The following SIAH2 variants were observed in gnomAD, a reference collection of about 807,000 sequenced individuals.
The protein encoded by SIAH2 is E3 ubiquitin-protein ligase SIAH2.
In SIAH2, 4 loss-of-function variants were observed where a neutral mutation model predicts 20.4. The observed-to-expected ratio is 0.20, with a 90% CI of 0.10 to 0.45. SIAH2 has a LOEUF of 0.45. Ranked by LOEUF, SIAH2 falls within the 20% of genes least tolerant of loss-of-function variation. The probability of loss-of-function intolerance (pLI) is 0.99; values close to 1 mark genes in which losing one functional copy is unlikely to be tolerated. For missense variants in SIAH2, 259 were observed against 440.3 expected (o/e 0.59, Z 3.69); for synonymous variants, 171 against 192.5 (o/e 0.89, Z 0.93).
chr3:150,753,506 A>G (rs910186905), intron 1 of SIAH2, among the ~76,000 whole-genome samples: 5 of 152,182 alleles, frequency 3.3e-5, no homozygotes, highest in African/African-American at 1.2e-4. Flanking sequence ...AAAAAGCTTC[A>G]ATTTCTCAGG....
At chr3:150,747,433 G>T (rs1191732205) in intron 1 of SIAH2, among the ~76,000 whole-genome samples, 1 of 152,254 alleles carries the variant, frequency 6.6e-6, no homozygotes, top group Admixed American at 6.5e-5. Flanking sequence ...CTTTCCTTTA[G>T]ATGTCTGGTT....
intron 1 of SIAH2, among the ~76,000 whole-genome samples, chr3:150,760,683 A>G (rs773820500): frequency 3.3e-5 from 5 of 152,258 alleles, no homozygotes; most frequent in Non-Finnish European, 7.3e-5. Flanking sequence ...AAACTCACCT[A>G]AAAGCCATTT....
At chr3:150,748,157 G>A (rs1014990741) in intron 1 of SIAH2, among the ~76,000 whole-genome samples, 4 of 152,074 alleles carry the variant, frequency 2.6e-5, no homozygotes, top group Non-Finnish European at 4.4e-5. Context: ...TTAGATCTTT[G>A]CAGAAAGCAG....
At chr3:150,758,901 C>T (rs1268679323) in intron 1 of SIAH2, among the ~76,000 whole-genome samples, 1 of 152,076 alleles carries the variant, frequency 6.6e-6, no homozygotes, top group Admixed American at 6.5e-5. Flanking sequence ...TGCCACCATG[C>T]CCAGCTAACT....
Position 150,758,811 on chromosome 3 carries a change from T to G in SIAH2, c.417+3622A>C, listed in dbSNP as rs1406876711. ...AGGCTGGAATGCAATGACGTGATCT[T>G]GGCTCACTGCAACCTCTGCCTCCCG... On this transcript the variant is annotated intron_variant, in intron 1 of 1. Transcript: ENST00000312960. 4.0e-5 allele frequency among the ~76,000 whole-genome samples: 6 copies of G among 151,132 alleles called. No individual in the cohort carries two copies. The East Asian group carries it at 1.2e-3, about 30-fold the overall frequency.
intron 1 of SIAH2, among the ~76,000 whole-genome samples, chr3:150,751,987 C>A (rs1175711078): frequency 6.6e-6 from 1 of 152,190 alleles, no homozygotes; most frequent in African/African-American, 2.4e-5. Flanking sequence ...CAAAGGTTGA[C>A]TTTTGACCAT....
chr3:150,758,916 T>G (rs1309593507), intron 1 of SIAH2, among the ~76,000 whole-genome samples: 1 of 152,084 alleles, frequency 6.6e-6, no homozygotes, highest in East Asian at 1.9e-4. Flanking sequence ...CTAACTTTTT[T>G]GTATTTTTAG....
chr3:150,757,548 A>G (rs1714509641), intron 1 of SIAH2, among the ~76,000 whole-genome samples: 1 of 152,234 alleles, frequency 6.6e-6, no homozygotes, highest in South Asian at 2.1e-4. Context: ...GAATGCTTCT[A>G]CAAGAGAATC....
rs1714099530 is a variant in SIAH2 at position 150,742,120 on chromosome 3, T to G, written c.*21A>C. 1.3e-6 allele frequency: 2 copies of G among 1,587,380 alleles called. No individual in the cohort carries two copies. Among genetic ancestry groups the G allele is most frequent in the African/African-American group, 2.7e-5 (2 of 74,094 alleles). On this transcript the variant is annotated 3_prime_UTR_variant, in exon 2 of 2. Transcript: ENST00000312960. This position sits in a 1 kb window ranked among gnomAD's most constrained non-coding sequence, Gnocchi z 4.8. ...ATAGAGCACTATGCCCAAATAATTT[T>G]GAAGGTTTACGAAAGTCACATCATG...
At chr3:150,761,177 A>T (rs1714601907) in intron 1 of SIAH2, among the ~76,000 whole-genome samples, 1 of 152,262 alleles carries the variant, frequency 6.6e-6, no homozygotes, top group African/African-American at 2.4e-5. Context: ...AATGCAAGAC[A>T]GCTTAAATGG....
chr3:150,759,497 G>A (rs543957154), intron 1 of SIAH2, among the ~76,000 whole-genome samples: 3 of 152,122 alleles, frequency 2.0e-5, no homozygotes, highest in Non-Finnish European at 2.9e-5. Context: ...AGACGGTTTT[G>A]TTACTGGTGT....
Position 150,742,281 on chromosome 3 carries a change from T to C in SIAH2, c.835A>G (p.Thr279Ala). 1 of 1,614,138 alleles carries C rather than the reference T, an allele frequency of 6.2e-7. No homozygotes were observed. Among genetic ancestry groups the C allele is most frequent in the Non-Finnish European group, 8.5e-7 (1 of 1,180,024 alleles). The stretch of plus-strand genomic sequence containing the variant: ...ACACCGTCATGAATCGAACGGGGCG[T>C]GGCCTCCCAGGTCAATCTCCGCCGG... ...GNRRRLTWEA[T>A]PRSIHDGVAA... The change falls in exon 2 of 2, where the codon ACG (threonine) becomes GCG (alanine). Residue 279 changes from threonine to alanine, a missense_variant. Around this residue, in one of 2 missense-constraint regions of SIAH2, gnomAD observed 160 missense variants for 327.6 expected, o/e 0.49. Coordinates refer to ENST00000312960, the MANE Select transcript of SIAH2 (RefSeq NM_005067.7). The surrounding 1 kb of genome is among the most constrained non-coding windows in gnomAD (Gnocchi z 4.8).
At chr3:150,745,458 C>T (rs549513170) in intron 1 of SIAH2, among the ~76,000 whole-genome samples, 6 of 152,024 alleles carry the variant, frequency 3.9e-5, no homozygotes, top group African/African-American at 1.2e-4. Flanking sequence ...AGCAGCAAAG[C>T]CAAGTCTCAC....
At chr3:150,749,305 C>T (rs1714300288) in intron 1 of SIAH2, among the ~76,000 whole-genome samples, 1 of 151,934 alleles carries the variant, frequency 6.6e-6, no homozygotes, top group East Asian at 1.9e-4. Flanking sequence ...TCAAGACTAG[C>T]CTGGGCAACA....
chr3:150,748,323 T>C (rs140342692), intron 1 of SIAH2, among the ~76,000 whole-genome samples: 616 of 152,352 alleles, frequency 4.0e-3, no homozygotes, highest in Non-Finnish European at 6.9e-3. Flanking sequence ...AAGACACCTG[T>C]TATTTACCTA....
At chr3:150,754,775 T>G (rs190903567) in intron 1 of SIAH2, among the ~76,000 whole-genome samples, 4 of 152,142 alleles carry the variant, frequency 2.6e-5, no homozygotes, top group Admixed American at 6.5e-5. Flanking sequence ...ATAATACATA[T>G]AATTTAAAAT....
In SIAH2 at chr3:150,754,391, A is replaced by C. The variant is rs575311665; in HGVS notation, c.417+8042T>G. Among the ~76,000 whole-genome samples the C allele has an allele frequency of 1.4e-4, 21 of 152,302 alleles. No individual in the cohort carries two copies. In the South Asian group the frequency reaches 4.4e-3, roughly 32 times the overall value. On this transcript the variant is annotated intron_variant, in intron 1 of 1. Coordinates refer to ENST00000312960, the MANE Select transcript of SIAH2 (RefSeq NM_005067.7). ...CACACTTCTTAAATAACCAGATCTC[A>C]TAAGACTCACTATCATGAGAACAGC...
At chr3:150,754,811 T>C (rs1460005226) in intron 1 of SIAH2, among the ~76,000 whole-genome samples, 1 of 151,850 alleles carries the variant, frequency 6.6e-6, no homozygotes, top group Non-Finnish European at 1.5e-5. Flanking sequence ...CAGTTTTCCC[T>C]CTCAAAAAAT....
intron 1 of SIAH2, among the ~76,000 whole-genome samples, chr3:150,744,448 C>G (rs549449808): frequency 4.6e-5 from 7 of 152,336 alleles, no homozygotes; most frequent in African/African-American, 1.7e-4. Flanking sequence ...AAAACTCACT[C>G]AGGAGAAACA....
Sources: allele counts gnomAD v4.1 joint callset (sites outside exome capture counted in the v4.1 genomes callset), GRCh38; gene constraint gnomAD v4.1.1; regional missense constraint gnomAD v4.1.1; non-coding constraint Gnocchi (gnomAD v3.1); transcripts MANE v1.5; gene names NCBI Gene and HGNC (gene_info 2026-07-23, HGNC 2026-07-21).